Variants in RNF38 observed in about 807,000 individuals in gnomAD.
RNF38 encodes the protein E3 ubiquitin-protein ligase RNF38.
RNF38 carries 15 observed loss-of-function variants against 67.2 expected under a neutral mutation model. The observed-to-expected ratio is 0.22, with a 90% CI of 0.15 to 0.34. The LOEUF is 0.34. Ranked by LOEUF, RNF38 falls within the 10% of genes least tolerant of loss-of-function variation. RNF38 has a pLI of 1.00. For missense variants in RNF38, 524 were observed against 639.9 expected, an observed-to-expected ratio of 0.82 and a Z score of 1.95; for synonymous variants, 220 against 218.8, an observed-to-expected ratio of 1.01 and a Z score of -0.05.
intron 8 of RNF38, among the ~76,000 whole-genome samples, chr9:36,352,215 G>A (rs1202444459): frequency 6.6e-6 from 1 of 151,852 alleles, no homozygotes; most frequent in Non-Finnish European, 1.5e-5. Flanking sequence ...CAGGAAAATC[G>A]CTGGAACCTG....
intron 1 of RNF38, among the ~76,000 whole-genome samples, chr9:36,485,304 G>GTATATATGTATATATATATATA (rs1840379213): frequency 6.7e-6 from 1 of 150,276 alleles, no homozygotes; most frequent in African/African-American, 2.5e-5. Context: ...ATCTCTTAGG[G>GTATATATGTATATATATATATA]TATATATACA....
At position 36,336,933 on chromosome 9, in the gene RNF38, C is replaced by G. The variant is rs899270770; in HGVS notation, c.*2819G>C. ...CTCAAAAAATTAAGGACAGAAAATCCTAATATGAGATCTTGATACCTGGAG... is the reference window on the plus strand; with the variant it reads ...CTCAAAAAATTAAGGACAGAAAATCGTAATATGAGATCTTGATACCTGGAG... On this transcript the variant is annotated 3_prime_UTR_variant, in exon 12 of 12. Transcript: ENST00000259605. The G allele has an allele frequency of 6.6e-6, 1 of 151,992 alleles. No individual in the cohort carries two copies. The highest frequency in any genetic ancestry group is 1.5e-5 in the Non-Finnish European group (1 of 68,012). 9.4% of individuals were successfully genotyped at this position (151,992 alleles called of 1,614,324 possible).
chr9:36,389,999 TAAA>T, intron 2 of RNF38, among the ~76,000 whole-genome samples: 1 of 152,092 alleles, frequency 6.6e-6, no homozygotes. Context: ...ATTTTATATT[TAAA>T]AAAAAATTTT....
rs12686169 is a variant in RNF38, at chr9:36,424,754, G to C, written n.242-71C>G. On this transcript the variant is annotated intron_variant and non_coding_transcript_variant, in intron 1 of 3. Coordinates refer to the RNF38 transcript ENST00000488058. ...ATTTAAACTGCTTTACCAATTAAAA[G>C]TGCTTTTACATCCATGATCCCATCT... 228 of 517,524 alleles carry C rather than the reference G, an allele frequency of 4.4e-4. 7 individuals carry two copies. The East Asian group carries it at 0.031, about 70-fold the overall frequency. 32.1% of individuals were successfully genotyped at this position (517,524 alleles called of 1,614,324 possible). A position where few individuals can be genotyped will look rare whatever the true frequency, so the allele number is the denominator to read the frequency against.
intron 2 of RNF38, among the ~76,000 whole-genome samples, chr9:36,418,612 C>A (rs899181030): frequency 6.6e-6 from 1 of 151,906 alleles, no homozygotes; most frequent in Non-Finnish European, 1.5e-5. Context: ...ATGGTGAAAC[C>A]CTATCTCTAC....
intron 4 of RNF38, among the ~76,000 whole-genome samples, chr9:36,362,124 A>AGGT (rs1286119111): frequency 6.6e-6 from 1 of 152,164 alleles, no homozygotes; most frequent in East Asian, 1.9e-4. Flanking sequence ...TGGGAGGCTG[A>AGGT]GGTGGGTGGA....
chr9:36,349,800 T>C (rs1833564585), intron 9 of RNF38, among the ~76,000 whole-genome samples: 2 of 152,206 alleles, frequency 1.3e-5, no homozygotes, highest in Admixed American at 6.5e-5. Flanking sequence ...CTTTCACGTA[T>C]GGTGTAAAGG....
intron 1 of RNF38, among the ~76,000 whole-genome samples, chr9:36,449,583 G>A (rs1485297659): frequency 6.6e-6 from 1 of 152,112 alleles, no homozygotes; most frequent in Non-Finnish European, 1.5e-5. Flanking sequence ...CTACAGGCGC[G>A]TGCCAACACG....
chr9:36,482,717 T>C (rs1331105443), intron 1 of RNF38, among the ~76,000 whole-genome samples: 11 of 152,182 alleles, frequency 7.2e-5, no homozygotes, highest in Admixed American at 7.2e-4. Flanking sequence ...CAAAGTTTAC[T>C]ATTTTAAGCT....
chr9:36,427,685 A>G (rs1488137406), intron 1 of RNF38, among the ~76,000 whole-genome samples: 2 of 148,722 alleles, frequency 1.3e-5, no homozygotes, highest in African/African-American at 2.5e-5. Flanking sequence ...CTATCTATCT[A>G]TCTATCTATC....
At chr9:36,350,973 T>C (rs968753975) in intron 9 of RNF38, 142 bp downstream of exon 9, 9 of 651,946 alleles carry the variant, frequency 1.4e-5, no homozygotes, top group Admixed American at 3.0e-5. Flanking sequence ...GTGTATCTTA[T>C]GTGTGGCCCA....
At chr9:36,448,293 TC>T (rs1434533980) in intron 1 of RNF38, among the ~76,000 whole-genome samples, 1 of 152,216 alleles carries the variant, frequency 6.6e-6, no homozygotes, top group Non-Finnish European at 1.5e-5. Context: ...TATAGCAGAA[TC>T]TTCTTAACCA....
chr9:36,397,294 A>G (rs1040643543), intron 1 of RNF38, among the ~76,000 whole-genome samples: 2 of 151,990 alleles, frequency 1.3e-5, no homozygotes, highest in South Asian at 4.1e-4. Context: ...TTTTATTTTT[A>G]GTAGAGACAG....
At chr9:36,366,174 C>T (rs1008254568) in intron 4 of RNF38, among the ~76,000 whole-genome samples, 5 of 151,900 alleles carry the variant, frequency 3.3e-5, no homozygotes, top group African/African-American at 9.7e-5. Context: ...AATCCCAGGA[C>T]CCTATCATTT....
At chr9:36,484,769 C>G (rs1840362883) in intron 1 of RNF38, among the ~76,000 whole-genome samples, 1 of 152,160 alleles carries the variant, frequency 6.6e-6, no homozygotes, top group African/African-American at 2.4e-5. Context: ...ATTCTTCTGA[C>G]TTGCTTCCCT....
chr9:36,426,311 A>T (rs1276498469), intron 1 of RNF38, among the ~76,000 whole-genome samples: 4 of 152,150 alleles, frequency 2.6e-5, no homozygotes, highest in African/African-American at 4.8e-5. Context: ...CACCACCCTA[A>T]AAAGAAACCT....
chr9:36,437,832 A>G (rs907746879), intron 1 of RNF38, among the ~76,000 whole-genome samples: 1 of 152,246 alleles, frequency 6.6e-6, no homozygotes, highest in African/African-American at 2.4e-5. Context: ...AAGAGGAGGA[A>G]GAAGAATGAT....
rs974807510 is a variant in RNF38 at position 36,372,171 on chromosome 9, C to T, written c.357-2239G>A. Among the ~76,000 whole-genome samples the T allele has an allele frequency of 3.4e-4, 51 of 152,184 alleles. 1 individual carries two copies. The highest frequency in any genetic ancestry group is 1.0e-3 in the African/African-American group (43 of 41,540). ...GTCTTGAACTCCCGACCTTGTGATC[C>T]GCCCACCTCAGCCTCCCAAAGTGCT... On this transcript the variant is annotated intron_variant, in intron 3 of 11. Coordinates refer to ENST00000259605, the MANE Select transcript of RNF38 (RefSeq NM_022781.5).
upstream of RNF38, among the ~76,000 whole-genome samples, chr9:36,404,189 T>A (rs1838127763): frequency 6.6e-6 from 1 of 152,220 alleles, no homozygotes; most frequent in Non-Finnish European, 1.5e-5. Context: ...TGACACAGCA[T>A]CATATACTGA....
Sources: gnomAD v4.1 joint callset for allele counts (sites outside exome capture counted in the v4.1 genomes callset) on GRCh38, gnomAD v4.1.1 for gene constraint, MANE v1.5 for transcripts, NCBI Gene and HGNC (gene_info 2026-07-23, HGNC 2026-07-21) for gene names.